KCNIP4: variants seen among roughly 807,000 people sequenced by gnomAD.
KCNIP4 encodes the protein Kv channel-interacting protein 4.
KCNIP4 carries 12 observed loss-of-function variants against 34.0 expected under a neutral mutation model. The observed-to-expected ratio is 0.35, with a 90% CI of 0.23 to 0.57. The LOEUF (loss-of-function observed/expected upper bound fraction) is 0.57, where lower values mean the gene tolerates loss of function less well. Among genes scored for constraint, KCNIP4 ranks in the 20% least tolerant of loss-of-function variants. The pLI, the probability that KCNIP4 is intolerant of heterozygous loss-of-function variation, is 0.83. For missense variants in KCNIP4, 238 were observed against 311.7 expected, an observed-to-expected ratio of 0.76 and a Z score of 1.78; for synonymous variants, 124 against 102.2, an observed-to-expected ratio of 1.21 and a Z score of -1.29.
chr4:21,528,783 GAAAGGAAGAA>G (rs1736357534), intron 1 of KCNIP4, among the ~76,000 whole-genome samples: 1 of 18,340 alleles, frequency 5.5e-5, no homozygotes, highest in Non-Finnish European at 1.1e-4. Flanking sequence ...AAGAAAGGAA[GAAAGGAAGAA>G]AGGAAGAAAG....
chr4:21,451,560 G>A (rs899627692), intron 1 of KCNIP4, among the ~76,000 whole-genome samples: 1 of 152,172 alleles, frequency 6.6e-6, no homozygotes, highest in African/African-American at 2.4e-5. Flanking sequence ...AATTAAAAAT[G>A]TGAATGTCCT....
chr4:20,838,909 T>C (rs895647056), intron 3 of KCNIP4, among the ~76,000 whole-genome samples: 2 of 152,340 alleles, frequency 1.3e-5, no homozygotes, highest in South Asian at 2.1e-4. Context: ...TTTACATAAG[T>C]TGTTTTTAAA....
Position 21,044,525 on chromosome 4 carries a change from T to C in KCNIP4, c.62-161816A>G, listed in dbSNP as rs369249035. On this transcript the variant is annotated intron_variant, in intron 1 of 8. Transcript: ENST00000382152. Reference sequence around the variant, plus strand: ...CAGGGTTTCACCATGTTGGCCAGGATGGTCTCGATCTCTTGACCTCATGAT... The same window carrying C: ...CAGGGTTTCACCATGTTGGCCAGGACGGTCTCGATCTCTTGACCTCATGAT... Among the ~76,000 whole-genome samples, 75 of 152,230 alleles carry C rather than the reference T, an allele frequency of 4.9e-4. 1 individual carries two copies. The East Asian group carries it at 0.013, about 26-fold the overall frequency.
At chr4:20,751,465 A>G (rs1307389054) in intron 4 of KCNIP4, among the ~76,000 whole-genome samples, 2 of 152,080 alleles carry the variant, frequency 1.3e-5, no homozygotes, top group East Asian at 3.9e-4. Flanking sequence ...TTTTTCATGT[A>G]CTTCTTGAAC....
rs757351209 is a variant in KCNIP4, at chr4:21,778,224, CT to C, written c.61+170346del. 7.5e-4 allele frequency among the ~76,000 whole-genome samples: 77 copies of C among 102,376 alleles called. 1 individual carries two copies. In the South Asian group the frequency reaches 0.015, roughly 20 times the overall value. 67.2% of individuals were successfully genotyped at this position (102,376 alleles called of 152,430 possible). On this transcript the variant is annotated intron_variant, in intron 1 of 8. Coordinates refer to ENST00000382152, the MANE Select transcript of KCNIP4 (RefSeq NM_025221.6). ...TTATTTGTTTCTTTTTCCTTTTTTC[CT>C]TTTTTTTTTTCTTTTTTTTTTTTTT...
intron 1 of KCNIP4, among the ~76,000 whole-genome samples, chr4:21,941,807 C>T (rs887784369): frequency 1.3e-5 from 2 of 152,224 alleles, no homozygotes; most frequent in Non-Finnish European, 2.9e-5. Flanking sequence ...TCAGCCTTAA[C>T]ATGAGCATGA....
At chr4:21,052,964 TGA>T (rs1743054621) in intron 1 of KCNIP4, among the ~76,000 whole-genome samples, 2 of 149,542 alleles carry the variant, frequency 1.3e-5, no homozygotes, top group African/African-American at 4.9e-5. Flanking sequence ...GGGAGAGAGA[TGA>T]GAGAGAGAAA....
chr4:20,746,743 G>A (rs1370002633), intron 5 of KCNIP4, among the ~76,000 whole-genome samples: 1 of 152,106 alleles, frequency 6.6e-6, no homozygotes, highest in Admixed American at 6.6e-5. Context: ...GCCGCTGGGT[G>A]GCAAAATGGA....
At chr4:21,720,833 A>G (rs569255136) in intron 1 of KCNIP4, among the ~76,000 whole-genome samples, 302 of 152,110 alleles carry the variant, frequency 2.0e-3, no homozygotes, top group Non-Finnish European at 3.6e-3. Context: ...CCATGTCCCT[A>G]CAAAGGACAT....
Position 21,600,375 on chromosome 4 carries a change from G to T in KCNIP4, c.61+348196C>A, listed in dbSNP as rs141353487. 2.2e-4 allele frequency among the ~76,000 whole-genome samples: 33 copies of T among 152,072 alleles called. No homozygotes were observed. In the East Asian group the frequency reaches 6.0e-3, roughly 28 times the overall value. The stretch of plus-strand genomic sequence containing the variant: ...CTAAAGTTTTACTTTTTTAATTGAT[G>T]CATAATAGATGTACATATTTTGGGG... On this transcript the variant is annotated intron_variant, in intron 1 of 8. Transcript: ENST00000382152.
At chr4:21,245,662 A>G (rs552904973) in intron 1 of KCNIP4, among the ~76,000 whole-genome samples, 1 of 152,170 alleles carries the variant, frequency 6.6e-6, no homozygotes, top group Non-Finnish European at 1.5e-5. Flanking sequence ...AATATGTCAG[A>G]CCAGGAACTA....
intron 3 of KCNIP4, among the ~76,000 whole-genome samples, chr4:20,783,873 T>A (rs1188019845): frequency 6.6e-6 from 1 of 152,184 alleles, no homozygotes. Flanking sequence ...CCATAAAGGA[T>A]CCATTTCATC....
intron 1 of KCNIP4, among the ~76,000 whole-genome samples, chr4:21,854,457 C>A (rs918018923): frequency 4.6e-5 from 7 of 152,122 alleles, no homozygotes; most frequent in African/African-American, 1.7e-4. Flanking sequence ...ACTTAATCAT[C>A]CCCAAATCTA....
At chr4:21,509,648 T>C (rs1011324049) in intron 1 of KCNIP4, among the ~76,000 whole-genome samples, 7 of 152,170 alleles carry the variant, frequency 4.6e-5, no homozygotes, top group Non-Finnish European at 1.0e-4. Flanking sequence ...CCTCAGGCTG[T>C]TCCTGACTTA....
intron 1 of KCNIP4, among the ~76,000 whole-genome samples, chr4:21,000,268 T>A (rs1293323370): frequency 6.6e-6 from 1 of 152,108 alleles, no homozygotes; most frequent in Non-Finnish European, 1.5e-5. Context: ...TAATAAGTCG[T>A]CTCAGCCGCT....
chr4:21,406,844 T>G (rs1724035646), intron 1 of KCNIP4, among the ~76,000 whole-genome samples: 1 of 152,178 alleles, frequency 6.6e-6, no homozygotes. Flanking sequence ...GCAAAAATTA[T>G]TTTGGAAAAC....
At chr4:21,426,818 C>T (rs1038925546) in intron 1 of KCNIP4, among the ~76,000 whole-genome samples, 1 of 151,582 alleles carries the variant, frequency 6.6e-6, no homozygotes, top group Admixed American at 6.6e-5. Context: ...TGTTTCCAAA[C>T]CTTCAGTGAA....
At chr4:21,623,442 A>G (rs1745118528) in intron 1 of KCNIP4, among the ~76,000 whole-genome samples, 1 of 152,240 alleles carries the variant, frequency 6.6e-6, no homozygotes, top group Non-Finnish European at 1.5e-5. Context: ...ACCAACAGTA[A>G]GAACTCAACA....
intron 1 of KCNIP4, among the ~76,000 whole-genome samples, chr4:21,943,698 G>T (rs1214654555): frequency 1.3e-5 from 2 of 152,128 alleles, no homozygotes; most frequent in African/African-American, 4.8e-5. Context: ...AAGTAATGGA[G>T]GGGGGCATTA....
Sources: gnomAD v4.1 joint callset for allele counts (sites outside exome capture counted in the v4.1 genomes callset) on GRCh38, gnomAD v4.1.1 for gene constraint, MANE v1.5 for transcripts, NCBI Gene and HGNC (gene_info 2026-07-23, HGNC 2026-07-21) for gene names.